The following CXorf58 variants were observed in gnomAD, a reference collection of about 807,000 sequenced individuals.
CXorf58 encodes uncharacterized protein CXorf58.
Under a neutral mutation model 26.0 loss-of-function variants are expected in CXorf58, and 24 were observed. That is an observed-to-expected ratio of 0.92 (90% CI 0.67 to 1.30). The LOEUF (loss-of-function observed/expected upper bound fraction) is 1.30, where lower values mean the gene tolerates loss of function less well. CXorf58 is among the 50% of genes most tolerant of loss of function. The pLI, the probability that CXorf58 is intolerant of heterozygous loss-of-function variation, is 0.00. For synonymous variants in CXorf58, 87 were observed against 86.1 expected, an observed-to-expected ratio of 1.01 and a Z score of -0.06; for missense variants, 236 against 263.9, an observed-to-expected ratio of 0.89 and a Z score of 0.73.
chrX:23,921,993 C>A (rs1927882302), intron 5 of CXorf58, among the ~76,000 whole-genome samples: 1 of 110,887 alleles, frequency 9.0e-6, no homozygotes, highest in Non-Finnish European at 1.9e-5. Context: ...CACTTTCTAT[C>A]AAATATGATC....
At chrX:23,920,720 C>T (rs1424586012) in intron 5 of CXorf58, among the ~76,000 whole-genome samples, 1 of 109,761 alleles carries the variant, frequency 9.1e-6, no homozygotes, top group Admixed American at 9.8e-5. Context: ...GGTGAAACCC[C>T]GTTTCTACCT....
At chrX:23,929,774 A>G (rs1177466959) in intron 6 of CXorf58, among the ~76,000 whole-genome samples, 2 of 112,684 alleles carry the variant, frequency 1.8e-5, no homozygotes, top group Non-Finnish European at 3.7e-5. Flanking sequence ...TTTCACAGCT[A>G]GAGAGGAGAA....
intron 3 of CXorf58, among the ~76,000 whole-genome samples, chrX:23,913,176 C>T (rs1042319614): frequency 5.4e-5 from 6 of 110,609 alleles, no homozygotes; most frequent in Non-Finnish European, 1.1e-4. Flanking sequence ...ATTAGTGATA[C>T]TCTTTTTTTT....
chrX:23,910,251 T>A (rs1294962904), intron 1 of CXorf58, 32 bp from the exon 2 acceptor site: 8 of 720,411 alleles, frequency 1.1e-5, no homozygotes, highest in African/African-American at 8.4e-5. Flanking sequence ...GTATAAATTA[T>A]GACCTCAAAG....
chrX:23,916,333 C>T lies in CXorf58; in HGVS notation c.423+5C>T, dbSNP rs1268644255. The T allele has an allele frequency of 1.6e-5, 17 of 1,063,680 alleles. No individual in the cohort carries two copies. Among genetic ancestry groups the T allele is most frequent in the East Asian group, 3.0e-5 (1 of 33,046 alleles). The allele number at this position is 1,063,680 out of a possible 1,213,427, so 87.7% of individuals were successfully genotyped here. ...GTATTAATGCCGTCAAGTAAGGTGA[C>T]GTTTCATGATGTACATTTTATGTTA... On this transcript the variant is annotated splice_donor_5th_base_variant and intron_variant, in intron 5 of 8. Coordinates refer to ENST00000379211, the MANE Select transcript of CXorf58 (RefSeq NM_152761.3).
chrX:23,911,698 C>G, intron 2 of CXorf58, 59 bp from the exon 3 acceptor site: 1 of 801,948 alleles, frequency 1.2e-6, no homozygotes, highest in Non-Finnish European at 1.8e-6. Flanking sequence ...TGATAGTTCT[C>G]TAAGGTTTTA....
At chrX:23,936,241 T>C (rs1435271938) in intron 7 of CXorf58, among the ~76,000 whole-genome samples, 1 of 111,402 alleles carries the variant, frequency 9.0e-6, no homozygotes, top group Non-Finnish European at 1.9e-5. Context: ...GTGCTCATTT[T>C]TGTTTTCATG....
intron 1 of CXorf58, among the ~76,000 whole-genome samples, chrX:23,909,427 G>A (rs771653576): frequency 3.4e-4 from 38 of 111,680 alleles, no homozygotes; most frequent in Non-Finnish European, 6.2e-4. Context: ...ATTTATGCTC[G>A]TTACTACAAA....
chrX:23,939,311 A>G lies in CXorf58; in HGVS notation c.*8A>G. On this transcript the variant is annotated 3_prime_UTR_variant, in exon 9 of 9. Coordinates refer to ENST00000379211, the MANE Select transcript of CXorf58 (RefSeq NM_152761.3). ...CTCCACTCCATCTTTTGACATTGTG[A>G]AAACTAAGGAATCTATGTCAGAGTG... is the stretch of plus-strand genomic sequence containing the variant. The G allele has an allele frequency of 8.7e-7, 1 of 1,144,826 alleles. No individual in the cohort carries two copies. The highest frequency in any genetic ancestry group is 1.9e-5 in the South Asian group (1 of 51,740). 94.3% of individuals were successfully genotyped at this position (1,144,826 alleles called of 1,213,427 possible).
At chrX:23,925,346 C>G (rs1215780523) in intron 5 of CXorf58, among the ~76,000 whole-genome samples, 3 of 91,957 alleles carry the variant, frequency 3.3e-5, no homozygotes, top group African/African-American at 1.2e-4. Flanking sequence ...TTTCTTTTCT[C>G]TTTTTTTTTT....
Position 23,910,272 on chromosome X carries a change from T to C in CXorf58, c.-20-11T>C, listed in dbSNP as rs375970076. On this transcript the variant is annotated splice_polypyrimidine_tract_variant and intron_variant, in intron 1 of 8. Transcript: ENST00000379211. ...ATTATGACCTCAAAGGGTTAATTTA[T>C]GTACTTTCAGATTACTTCATTGGAG... The C allele has an allele frequency of 2.6e-5, 24 of 916,545 alleles. No individual in the cohort carries two copies. In the African/African-American group the frequency reaches 3.9e-4, roughly 15 times the overall value. 75.5% of individuals were successfully genotyped at this position (916,545 alleles called of 1,213,427 possible).
chrX:23,925,348 T>C (rs1395691559), intron 5 of CXorf58, among the ~76,000 whole-genome samples: 2 of 85,271 alleles, frequency 2.3e-5, no homozygotes, highest in Non-Finnish European at 4.1e-5. Context: ...TCTTTTCTCT[T>C]TTTTTTTTTT....
intron 2 of CXorf58, among the ~76,000 whole-genome samples, chrX:23,910,687 G>T (rs1927551965): frequency 9.2e-6 from 1 of 108,674 alleles, no homozygotes; most frequent in Non-Finnish European, 1.9e-5. Flanking sequence ...GTGGCTTGCA[G>T]AAAGTTATCA....
chrX:23,925,132 C>A (rs956424849), intron 5 of CXorf58, among the ~76,000 whole-genome samples: 2 of 111,663 alleles, frequency 1.8e-5, no homozygotes, highest in African/African-American at 6.5e-5. Context: ...AAACTTCAAC[C>A]ATTCAACCAT....
intron 6 of CXorf58, among the ~76,000 whole-genome samples, chrX:23,927,580 AT>A (rs1257685772): frequency 4.5e-5 from 5 of 110,634 alleles, no homozygotes; most frequent in South Asian, 3.8e-4. Context: ...TTCTTTTAAA[AT>A]TTTTTTTTAA....
intron 6 of CXorf58, among the ~76,000 whole-genome samples, chrX:23,930,953 A>G (rs957791708): frequency 3.6e-5 from 4 of 111,542 alleles, no homozygotes; most frequent in African/African-American, 1.3e-4. Context: ...GCTGTTGCAC[A>G]CTTAAACTAC....
At chrX:23,915,116 G>A (rs746379000) in intron 3 of CXorf58, among the ~76,000 whole-genome samples, 2 of 112,526 alleles carry the variant, frequency 1.8e-5, no homozygotes, top group African/African-American at 3.2e-5. Flanking sequence ...CCTGGGCGAC[G>A]GAGCGAGACT....
At chrX:23,921,504 A>G (rs1750257436) in intron 5 of CXorf58, among the ~76,000 whole-genome samples, 1 of 111,835 alleles carries the variant, frequency 8.9e-6, no homozygotes, top group Non-Finnish European at 1.9e-5. Context: ...AACATACCCA[A>G]CTTGAACAGT....
chrX:23,909,550 A>G (rs1310067937), intron 1 of CXorf58, among the ~76,000 whole-genome samples: 1 of 111,943 alleles, frequency 8.9e-6, no homozygotes, highest in African/African-American at 3.2e-5. Context: ...TTGTAATCCT[A>G]TGTATTTTAT....
Sources: gnomAD v4.1 joint callset for allele counts (sites outside exome capture counted in the v4.1 genomes callset) on GRCh38, gnomAD v4.1.1 for gene constraint, MANE v1.5 for transcripts, NCBI Gene and HGNC (gene_info 2026-07-23, HGNC 2026-07-21) for gene names.